Variants in MAP7 observed in about 807,000 individuals in gnomAD.
MAP7 encodes the protein microtubule associated protein 7, also known as ensconsin.
A neutral mutation model predicts 94.8 loss-of-function variants in MAP7; 52 were observed. That is an observed-to-expected ratio of 0.55 (90% confidence interval 0.44 to 0.69). The LOEUF is 0.69. Among genes scored for constraint, MAP7 ranks in the 30% least tolerant of loss-of-function variants. The pLI, the probability that MAP7 is intolerant of heterozygous loss-of-function variation, is 0.00. For missense variants in MAP7, 940 were observed against 964.6 expected (o/e 0.97, Z 0.34); for synonymous variants, 350 against 357.0 (o/e 0.98, Z 0.22).
At position 136,362,546 on chromosome 6, in the gene MAP7, T is replaced by G. The variant is rs1305495585; in HGVS notation, c.1430A>C (p.Glu477Ala). ...CTCAGCTAGAAGCCTTGTGGCCTCC[T>G]CTGGGTCGGTGGTGCCTGCAGAAGT... ...VKTSAGTTDP[E>A]EATRLLAEKR... The change falls in exon 11 of 18, where the codon GAG (glutamate) becomes GCG (alanine). Residue 477 changes from glutamate (E) to alanine (A), a missense_variant. Transcript: ENST00000354570. 1 of 1,614,144 alleles carries G rather than the reference T, an allele frequency of 6.2e-7. No individual in the cohort carries two copies. The highest frequency in any genetic ancestry group is 1.1e-5 in the South Asian group (1 of 91,076).
At chr6:136,356,334 G>C (rs1378392730) in intron 16 of MAP7, among the ~76,000 whole-genome samples, 2 of 150,222 alleles carry the variant, frequency 1.3e-5, no homozygotes, top group Non-Finnish European at 2.9e-5. Flanking sequence ...TGCTAGTTTT[G>C]CTATTTTTTT....
At chr6:136,365,669 A>C in intron 10 of MAP7, 66 bp downstream of exon 10, 1 of 1,517,624 alleles carries the variant, frequency 6.6e-7, no homozygotes, top group South Asian at 1.3e-5. Context: ...AAACAAAAAA[A>C]GCTTCATCAA....
At chr6:136,528,063 C>A (rs1159998320) in intron 1 of MAP7, among the ~76,000 whole-genome samples, 1 of 152,158 alleles carries the variant, frequency 6.6e-6, no homozygotes, top group African/African-American at 2.4e-5. Flanking sequence ...GTTTTACATG[C>A]GAGGAAGCTG....
Position 136,394,957 on chromosome 6 carries a change from T to C in MAP7, c.245-5440A>G, listed in dbSNP as rs896412690. Among the ~76,000 whole-genome samples, 6 of 120,620 alleles carry C rather than the reference T, an allele frequency of 5.0e-5. 1 individual carries two copies. The highest frequency in any genetic ancestry group is 2.0e-4 in the African/African-American group (6 of 30,106). The allele number at this position is 120,620 out of a possible 152,430, so 79.1% of individuals were successfully genotyped here. ...ATATATATATATATATATATATATA[T>C]ATATATATATATATCACATTTTCCT... On this transcript the variant is annotated intron_variant, in intron 3 of 17. Transcript: ENST00000354570.
chr6:136,426,614 T>C (rs1793236133), intron 1 of MAP7, among the ~76,000 whole-genome samples: 1 of 152,040 alleles, frequency 6.6e-6, no homozygotes, highest in Admixed American at 6.6e-5. Flanking sequence ...TCCAGATAAG[T>C]GAAGAATAAT....
chr6:136,546,661 T>C (rs1224261301), intron 1 of MAP7, among the ~76,000 whole-genome samples: 1 of 152,212 alleles, frequency 6.6e-6, no homozygotes, highest in Admixed American at 6.5e-5. Flanking sequence ...TCTTCCTTGC[T>C]AAATTCAAGG....
chr6:136,489,279 C>A (rs13192842), intron 1 of MAP7, among the ~76,000 whole-genome samples: 1 of 151,950 alleles, frequency 6.6e-6, no homozygotes, highest in South Asian at 2.1e-4. Context: ...TCGCTTGTAT[C>A]CTGAAAAACA....
chr6:136,429,897 C>T (rs1334076141), intron 1 of MAP7, among the ~76,000 whole-genome samples: 4 of 152,150 alleles, frequency 2.6e-5, no homozygotes, highest in Admixed American at 6.5e-5. Context: ...TTTTCATCTC[C>T]GTTGGTGACT....
intron 1 of MAP7, among the ~76,000 whole-genome samples, chr6:136,435,427 T>C (rs988234486): frequency 4.6e-5 from 7 of 152,228 alleles, no homozygotes; most frequent in Admixed American, 3.9e-4. Flanking sequence ...TCTAAAGAAC[T>C]GTCTGAGCTT....
At chr6:136,397,427 C>T (rs996249922) in intron 3 of MAP7, among the ~76,000 whole-genome samples, 2 of 152,044 alleles carry the variant, frequency 1.3e-5, no homozygotes, top group Non-Finnish European at 2.9e-5. Flanking sequence ...TGTATTTTCT[C>T]ATTAAGAAAT....
In MAP7 at chr6:136,400,324, G is replaced by A. The variant is rs1367236671; in HGVS notation, c.245-10807C>T. ...CCAACTACTAGGGAGGCTGAGGCAG[G>A]AGAATCACTTGAACCTGGGAGGCGG... On this transcript the variant is annotated intron_variant, in intron 3 of 17. Transcript: ENST00000354570. 2.6e-5 allele frequency among the ~76,000 whole-genome samples: 4 copies of A among 151,686 alleles called. No individual in the cohort carries two copies. In the South Asian group the frequency reaches 6.2e-4, roughly 24 times the overall value.
At chr6:136,536,636 T>C (rs1828912074) in intron 1 of MAP7, among the ~76,000 whole-genome samples, 2 of 152,222 alleles carry the variant, frequency 1.3e-5, no homozygotes, top group Non-Finnish European at 2.9e-5. Flanking sequence ...GGCTCCTGTT[T>C]CCACAGGCAT....
chr6:136,396,340 T>C (rs1361495815), intron 3 of MAP7, among the ~76,000 whole-genome samples: 1 of 152,188 alleles, frequency 6.6e-6, no homozygotes. Flanking sequence ...GATTGCTTTC[T>C]TGATTTCTTT....
intron 3 of MAP7, among the ~76,000 whole-genome samples, chr6:136,390,858 T>C (rs1370901890): frequency 6.6e-6 from 1 of 152,132 alleles, no homozygotes; most frequent in African/African-American, 2.4e-5. Context: ...AAATTCAAGG[T>C]GAGTTTGTTC....
intron 16 of MAP7, 45 bp downstream of exon 16, chr6:136,356,646 TA>T: frequency 6.9e-7 from 1 of 1,454,164 alleles, no homozygotes; most frequent in Non-Finnish European, 9.6e-7. Context: ...AGCTGGTGGG[TA>T]AAAACAGTAA....
rs143382936 is a variant in MAP7, at chr6:136,366,340, G to T, written c.976C>A (p.Arg326Ser). The T allele has an allele frequency of 6.2e-7, 1 of 1,613,874 alleles. No homozygotes were observed. ...PSNPKARQPA[R>S]SRLWLPSKSL... ...TATTTCACTTACCAAAGTCGGGAGC[G>T]AGCTGGTTGTCTTGCTTTGGGATTA... The change falls in exon 9 of 18, where the codon CGC becomes AGC. Residue 326 changes from arginine (R) to serine (S), a missense_variant. Arg to Ser is a moderately radical substitution (Grantham distance 110). Transcript: ENST00000354570.
chr6:136,421,589 G>A (rs777158813), intron 2 of MAP7, 112 bp downstream of exon 2: 3 of 963,464 alleles, frequency 3.1e-6, no homozygotes, highest in Non-Finnish European at 4.7e-6. Flanking sequence ...TCCTAAATTC[G>A]AGTTTTCTGG....
chr6:136,377,068 A>G (rs1776380759), intron 7 of MAP7, among the ~76,000 whole-genome samples: 1 of 152,226 alleles, frequency 6.6e-6, no homozygotes, highest in Non-Finnish European at 1.5e-5. Flanking sequence ...GACTAGATGT[A>G]GGCTTACCGA....
At chr6:136,362,318 AG>A in intron 11 of MAP7, 131 bp downstream of exon 11, 1 of 1,184,008 alleles carries the variant, frequency 8.4e-7, no homozygotes, top group South Asian at 1.6e-5. Context: ...TAGGAAAATT[AG>A]GTAAGAGTAA....
Sources: allele counts gnomAD v4.1 joint callset (sites outside exome capture counted in the v4.1 genomes callset), GRCh38; gene constraint gnomAD v4.1.1; transcripts MANE v1.5; gene names NCBI Gene and HGNC (gene_info 2026-07-23, HGNC 2026-07-21).